The following RASGEF1C variants were observed in gnomAD, a reference collection of about 807,000 sequenced individuals.
RASGEF1C encodes the protein ras-GEF domain-containing family member 1C.
RASGEF1C carries 27 observed loss-of-function variants against 58.1 expected under a neutral mutation model. That is an observed-to-expected ratio of 0.46 (90% CI 0.34 to 0.64). The LOEUF (loss-of-function observed/expected upper bound fraction) is 0.64. Among genes scored for constraint, RASGEF1C ranks in the 30% least tolerant of loss-of-function variants. The pLI, the probability that RASGEF1C is intolerant of heterozygous loss-of-function variation, is 0.01. For missense variants in RASGEF1C, 502 were observed against 605.1 expected (o/e 0.83, Z 1.79); for synonymous variants, 243 against 246.3 (o/e 0.99, Z 0.13).
At chr5:180,115,877 T>G (rs1766058757) in intron 10 of RASGEF1C, among the ~76,000 whole-genome samples, 1 of 149,866 alleles carries the variant, frequency 6.7e-6, no homozygotes, top group Non-Finnish European at 1.5e-5. Flanking sequence ...GGGGGGGGAT[T>G]GTGGGGGTGG....
chr5:180,124,370 A>G (rs1247598442), intron 6 of RASGEF1C, among the ~76,000 whole-genome samples: 1 of 152,268 alleles, frequency 6.6e-6, no homozygotes, highest in East Asian at 1.9e-4. Flanking sequence ...ACTACACAAG[A>G]ACAGTATCAG....
chr5:180,128,220 C>T (rs2113266143), intron 5 of RASGEF1C, among the ~76,000 whole-genome samples, 190 bp downstream of exon 5: 1 of 152,350 alleles, frequency 6.6e-6, no homozygotes, highest in East Asian at 1.9e-4. Flanking sequence ...GAAGAACCCG[C>T]CCCAGCCTCC....
chr5:180,138,090 T>G, intron 1 of RASGEF1C, 32 bp from the exon 2 acceptor site: 1 of 1,347,232 alleles, frequency 7.4e-7, no homozygotes, highest in Non-Finnish European at 9.9e-7. Flanking sequence ...AGGACCTGAG[T>G]GGGGGCACAC....
chr5:180,207,659 G>A (rs1269369921), intron 1 of RASGEF1C, among the ~76,000 whole-genome samples: 2 of 127,460 alleles, frequency 1.6e-5, no homozygotes, highest in Non-Finnish European at 3.4e-5. Context: ...CCCCGGCAGT[G>A]CGCCCACCCG....
chr5:180,108,202 TTC>T (rs1323017162), intron 12 of RASGEF1C, among the ~76,000 whole-genome samples: 169 of 147,822 alleles, frequency 1.1e-3, no homozygotes, highest in African/African-American at 4.2e-3. Context: ...TTTTCTTTCT[TTC>T]TTTTTTTTTT....
In RASGEF1C at chr5:180,136,260, TG is replaced by T. The variant is rs1179598047; in HGVS notation, c.438+117del. On this transcript the variant is annotated intron_variant, in intron 4 of 13. Coordinates refer to ENST00000361132, the MANE Select transcript of RASGEF1C (RefSeq NM_175062.4). ...TGATAGGCCAGAAAGCGGCTGGATT[TG>T]GACGGGCCGTGGTGTGCAGGGTGGG... is the stretch of plus-strand genomic sequence containing the variant. The T allele has an allele frequency of 2.3e-5, 25 of 1,084,476 alleles. No individual in the cohort carries two copies. The East Asian group carries it at 4.9e-4, about 21-fold the overall frequency. The allele number at this position is 1,084,476 out of a possible 1,614,324, so 67.2% of individuals were successfully genotyped here. A position where few individuals can be genotyped will look rare whatever the true frequency, so the allele number is the denominator to read the frequency against.
intron 1 of RASGEF1C, among the ~76,000 whole-genome samples, chr5:180,157,640 A>C (rs1347617912): frequency 2.7e-5 from 4 of 150,068 alleles, no homozygotes; most frequent in African/African-American, 9.8e-5. Flanking sequence ...AAAAAAAAAA[A>C]CAACAAAAAT....
chr5:180,130,249 C>T (rs1478405347), intron 4 of RASGEF1C, among the ~76,000 whole-genome samples: 1 of 152,234 alleles, frequency 6.6e-6, no homozygotes, highest in African/African-American at 2.4e-5. Context: ...AGGCTCCACG[C>T]TGGGTAATTG....
At chr5:180,190,625 A>G (rs1292798165) in intron 1 of RASGEF1C, among the ~76,000 whole-genome samples, 3 of 150,812 alleles carry the variant, frequency 2.0e-5, no homozygotes, top group South Asian at 2.1e-4. Flanking sequence ...CTGTGATCGC[A>G]CCACTGCTCT....
At chr5:180,174,754 C>T (rs948409303) in intron 1 of RASGEF1C, among the ~76,000 whole-genome samples, 2 of 152,276 alleles carry the variant, frequency 1.3e-5, no homozygotes, top group African/African-American at 2.4e-5. Context: ...ACAGCATGCG[C>T]ACAGATCGCA....
Position 180,136,374 on chromosome 5 carries a change from C to A in RASGEF1C, c.438+4G>T. 6.4e-7 allele frequency: 1 copy of A among 1,553,828 alleles called. No individual in the cohort carries two copies. The highest frequency in any genetic ancestry group is 8.7e-7 in the Non-Finnish European group (1 of 1,148,768). ...GGTGACGCGACCCCCGCCCAGCTGC[C>A]CACCTCGTCACAGGGGGCGATGCGG... On this transcript the variant is annotated splice_donor_region_variant and intron_variant, in intron 4 of 13. Coordinates refer to ENST00000361132, the MANE Select transcript of RASGEF1C (RefSeq NM_175062.4).
chr5:180,127,186 C>T (rs1260961832), intron 6 of RASGEF1C, among the ~76,000 whole-genome samples: 2 of 152,124 alleles, frequency 1.3e-5, no homozygotes, highest in Non-Finnish European at 2.9e-5. Context: ...TCCCGGGCAG[C>T]GGGCAGCAAC....
Position 180,203,695 on chromosome 5 carries a change from A to T in RASGEF1C, c.-7+5333T>A, listed in dbSNP as rs537912423. ...ACAGCAATAGATAACTAATACAATGATATTGAAACATACTACAGGCTGGGC... is the reference window on the plus strand; with the variant it reads ...ACAGCAATAGATAACTAATACAATGTTATTGAAACATACTACAGGCTGGGC... On this transcript the variant is annotated intron_variant, in intron 1 of 13. Coordinates refer to ENST00000361132, the MANE Select transcript of RASGEF1C (RefSeq NM_175062.4). 2.0e-4 allele frequency among the ~76,000 whole-genome samples: 30 copies of T among 152,306 alleles called. No homozygotes were observed. In the South Asian group the frequency reaches 5.4e-3, roughly 27 times the overall value.
intron 1 of RASGEF1C, among the ~76,000 whole-genome samples, chr5:180,166,804 T>C (rs11951495): frequency 0.65 from 98,584 of 152,026 alleles, 32,451 homozygotes; most frequent in Non-Finnish European, 0.71. Flanking sequence ...GTGTGAGCCA[T>C]TGCACCCAGC....
At chr5:180,109,694 T>C (rs1765928420) in intron 12 of RASGEF1C, among the ~76,000 whole-genome samples, 1 of 151,998 alleles carries the variant, frequency 6.6e-6, no homozygotes, top group African/African-American at 2.4e-5. Context: ...GGAGAGAAGA[T>C]GATGTGATGA....
intron 1 of RASGEF1C, among the ~76,000 whole-genome samples, chr5:180,190,501 A>AT (rs1561756794): frequency 4.3e-5 from 4 of 93,448 alleles, no homozygotes; most frequent in East Asian, 4.8e-4. Flanking sequence ...AAAAAAAAAA[A>AT]AAAAAAATAA....
chr5:180,169,284 C>T (rs1347492056), intron 1 of RASGEF1C, among the ~76,000 whole-genome samples: 1 of 152,180 alleles, frequency 6.6e-6, no homozygotes. Context: ...AAGACTAGAA[C>T]AGATCTAACT....
intron 1 of RASGEF1C, among the ~76,000 whole-genome samples, chr5:180,173,741 CGT>C (rs1561750874): frequency 6.6e-6 from 1 of 151,900 alleles, no homozygotes; most frequent in African/African-American, 2.4e-5. Context: ...GGTGAAACCC[CGT>C]CTCTACTAAA....
At position 180,168,825 on chromosome 5, in the gene RASGEF1C, G is replaced by A. The variant is rs1767058627; in HGVS notation, c.-6-30767C>T. Among the ~76,000 whole-genome samples, 1 of 152,212 alleles carries A rather than the reference G, an allele frequency of 6.6e-6. No homozygotes were observed. Among genetic ancestry groups the A allele is most frequent in the African/African-American group, 2.4e-5 (1 of 41,458 alleles). On this transcript the variant is annotated intron_variant, in intron 1 of 13. Coordinates refer to ENST00000361132, the MANE Select transcript of RASGEF1C (RefSeq NM_175062.4). This position sits in a 1 kb window ranked among gnomAD's most constrained non-coding sequence, Gnocchi z 6.0. ...TTTCTCCATGCTCTGTGAATAATAA[G>A]AGACCCTCCTCCCGTTCCTCAAACC... is the stretch of plus-strand genomic sequence containing the variant.
Sources: gnomAD v4.1 joint callset for allele counts (sites outside exome capture counted in the v4.1 genomes callset) on GRCh38, gnomAD v4.1.1 for gene constraint, Gnocchi (gnomAD v3.1) non-coding constraint, MANE v1.5 for transcripts, NCBI Gene and HGNC (gene_info 2026-07-23, HGNC 2026-07-21) for gene names.